The following SLC22A2 variants were observed in gnomAD, a reference collection of about 807,000 sequenced individuals.
SLC22A2 encodes organic cation transporter 2.
Under a neutral mutation model 60.5 loss-of-function variants are expected in SLC22A2, and 46 were observed. The ratio of observed to expected loss-of-function variants is 0.76; its 90% CI spans 0.60 to 0.97. The LOEUF (loss-of-function observed/expected upper bound fraction) is 0.97, where lower values mean the gene tolerates loss of function less well. Ranked by LOEUF, SLC22A2 falls within the 50% of genes least tolerant of loss-of-function variation. The pLI is 0.00. For synonymous variants in SLC22A2, 303 were observed against 267.0 expected (o/e 1.13, Z -1.31); for missense variants, 701 against 706.6 (o/e 0.99, Z 0.09).
chr6:160,227,658 C>T (rs188487738), intron 9 of SLC22A2, among the ~76,000 whole-genome samples: 2 of 152,256 alleles, frequency 1.3e-5, no homozygotes, highest in Non-Finnish European at 2.9e-5. Context: ...CTTTTTTCCT[C>T]GACATGTCAG....
At chr6:160,234,093 C>T (rs1171051946) in intron 9 of SLC22A2, among the ~76,000 whole-genome samples, 1 of 152,262 alleles carries the variant, frequency 6.6e-6, no homozygotes, top group East Asian at 1.9e-4. Flanking sequence ...CTCATCCTGG[C>T]TGAAAAGCTC....
intron 10 of SLC22A2, chr6:160,217,866 A>G (rs1782566719): frequency 6.1e-6 from 1 of 162,626 alleles, no homozygotes; most frequent in South Asian, 1.9e-4. Context: ...ATAGAATTTG[A>G]AAAATTATTT....
intron 10 of SLC22A2, among the ~76,000 whole-genome samples, chr6:160,218,920 A>G (rs1044389601): frequency 2.6e-5 from 4 of 152,192 alleles, no homozygotes; most frequent in Middle Eastern, 3.4e-3. Flanking sequence ...TAACAGCAGC[A>G]GCAGCAACAG....
chr6:160,238,847 C>T (rs1025501800), intron 9 of SLC22A2, among the ~76,000 whole-genome samples: 1 of 152,116 alleles, frequency 6.6e-6, no homozygotes. Flanking sequence ...CAATAAAGTA[C>T]TATTTGTTAA....
intron 8 of SLC22A2, 143 bp downstream of exon 8, chr6:160,242,151 G>A: frequency 1.5e-6 from 1 of 654,174 alleles, no homozygotes; most frequent in Non-Finnish European, 2.8e-6. Flanking sequence ...TGAACTGCTG[G>A]GCCTGGCTGG....
chr6:160,250,834 C>T (rs1783174306), intron 2 of SLC22A2, 132 bp from the exon 3 acceptor site: 5 of 850,460 alleles, frequency 5.9e-6, no homozygotes, highest in Non-Finnish European at 7.3e-6. Context: ...CCAGGAGGCA[C>T]AGACTGATAG....
intron 7 of SLC22A2, 94 bp downstream of exon 7, chr6:160,243,478 G>GA: frequency 1.0e-6 from 1 of 969,294 alleles, no homozygotes; most frequent in Non-Finnish European, 1.6e-6. Flanking sequence ...AATTGATTTG[G>GA]ATGACAAATT....
chr6:160,238,038 T>C (rs2114860472), intron 9 of SLC22A2, among the ~76,000 whole-genome samples: 1 of 152,326 alleles, frequency 6.6e-6, no homozygotes, highest in Admixed American at 6.5e-5. Context: ...GAAATAACCA[T>C]AAAAATGGGC....
chr6:160,239,213 T>C (rs1782959985), intron 9 of SLC22A2, among the ~76,000 whole-genome samples: 1 of 152,180 alleles, frequency 6.6e-6, no homozygotes, highest in Non-Finnish European at 1.5e-5. Flanking sequence ...GCCATGGTGA[T>C]GTCCGGAAGT....
chr6:160,245,671 C>A, intron 5 of SLC22A2, 126 bp from the exon 6 acceptor site: 1 of 435,292 alleles, frequency 2.3e-6, no homozygotes, highest in Non-Finnish European at 4.1e-6. Flanking sequence ...AGAGCAAGCA[C>A]TTTCCATACT....
At chr6:160,217,606 T>C (rs1342415718) in intron 10 of SLC22A2, 108 bp from the exon 11 acceptor site, 9 of 659,088 alleles carry the variant, frequency 1.4e-5, no homozygotes, top group Admixed American at 4.8e-5. Flanking sequence ...TTATAAACTT[T>C]GTTCAGGATT....
intron 2 of SLC22A2, among the ~76,000 whole-genome samples, chr6:160,255,069 C>T (rs1475789197): frequency 6.6e-6 from 1 of 152,190 alleles, no homozygotes; most frequent in Admixed American, 6.5e-5. Context: ...AAGGTGGACT[C>T]CGGACCTCCC....
At chr6:160,230,747 C>G (rs1375781261) in intron 9 of SLC22A2, among the ~76,000 whole-genome samples, 1 of 151,952 alleles carries the variant, frequency 6.6e-6, no homozygotes, top group Admixed American at 6.5e-5. Context: ...CCAGAACCTC[C>G]TCCCCCAGGA....
intron 3 of SLC22A2, 29 bp downstream of exon 3, chr6:160,250,519 C>T: frequency 1.9e-6 from 3 of 1,613,364 alleles, no homozygotes; most frequent in Admixed American, 1.7e-5. Flanking sequence ...TTGCTTTGTT[C>T]TCACAGTTGC....
At chr6:160,252,361 G>C (rs1200672685) in intron 2 of SLC22A2, among the ~76,000 whole-genome samples, 1 of 152,198 alleles carries the variant, frequency 6.6e-6, no homozygotes, top group Non-Finnish European at 1.5e-5. Context: ...TAGGTGATGA[G>C]AGGGAATATT....
At chr6:160,249,951 T>C (rs1347820074) in intron 3 of SLC22A2, among the ~76,000 whole-genome samples, 4 of 152,220 alleles carry the variant, frequency 2.6e-5, no homozygotes, top group African/African-American at 4.8e-5. Flanking sequence ...GTATCAGCCA[T>C]AGTGAGAATA....
intron 2 of SLC22A2, among the ~76,000 whole-genome samples, chr6:160,251,834 C>T (rs925156085): frequency 6.6e-6 from 1 of 152,108 alleles, no homozygotes; most frequent in Non-Finnish European, 1.5e-5. Flanking sequence ...AAATAATCCA[C>T]ATTATTAATA....
chr6:160,253,544 C>G (rs889262805), intron 2 of SLC22A2, among the ~76,000 whole-genome samples: 10 of 152,144 alleles, frequency 6.6e-5, no homozygotes, highest in Non-Finnish European at 1.3e-4. Flanking sequence ...AGTCAAGTCC[C>G]TCCTCCTAGC....
chr6:160,258,307 T>C (rs1156955632), intron 1 of SLC22A2, 37 bp downstream of exon 1: 1 of 1,548,926 alleles, frequency 6.5e-7, no homozygotes, highest in Admixed American at 1.9e-5. Flanking sequence ...TCTCCACCAT[T>C]TGCTTCTCCA....
Sources: gnomAD v4.1 joint callset for allele counts (sites outside exome capture counted in the v4.1 genomes callset) on GRCh38, gnomAD v4.1.1 for gene constraint, MANE v1.5 for transcripts, NCBI Gene and HGNC (gene_info 2026-07-23, HGNC 2026-07-21) for gene names.